Variants in NHS observed in about 807,000 individuals in gnomAD.
NHS encodes the protein NHS actin remodeling regulator.
Under a neutral mutation model 72.5 loss-of-function variants are expected in NHS, and 5 were observed. That is an observed-to-expected ratio of 0.07 (90% CI 0.04 to 0.14). The LOEUF is 0.14. Among genes scored for constraint, NHS ranks in the 10% least tolerant of loss-of-function variants. The pLI, the probability that NHS is intolerant of heterozygous loss-of-function variation, is 1.00. For missense variants in NHS, 1,072 were observed against 1,355.7 expected (o/e 0.79, Z 3.29); for synonymous variants, 464 against 547.7 (o/e 0.85, Z 2.13).
Position 17,725,226 on chromosome X carries a change from C to A in NHS, c.1241-121C>A. 5.0e-6 allele frequency: 3 copies of A among 603,565 alleles called. No homozygotes were observed. The East Asian group carries it at 9.9e-5, about 20-fold the overall frequency. The allele number at this position is 603,565 out of a possible 1,213,427, so 49.7% of individuals were successfully genotyped here. ...CTAATTCTATATATTGATTTTTTTT[C>A]TGTTAAAGAAAAAAAAAAACAGCTC... On this transcript the variant is annotated intron_variant, in intron 6 of 8. Transcript: ENST00000676302.
chrX:17,443,869 TTAAG>T (rs2064767546), intron 1 of NHS, among the ~76,000 whole-genome samples: 1 of 112,393 alleles, frequency 8.9e-6, no homozygotes, highest in Non-Finnish European at 1.9e-5. Context: ...CTACATGGGA[TTAAG>T]TGAGTGTTTA....
intron 1 of NHS, chrX:17,586,960 T>C (rs1472569898): frequency 8.9e-6 from 1 of 112,207 alleles, no homozygotes; most frequent in African/African-American, 3.2e-5. Flanking sequence ...AGGTTTTTCA[T>C]GAATTATAGA....
intron 1 of NHS, among the ~76,000 whole-genome samples, chrX:17,471,277 G>T (rs1307554353): frequency 1.8e-5 from 2 of 111,381 alleles, no homozygotes; most frequent in Non-Finnish European, 3.8e-5. Context: ...TTATATCTCT[G>T]CACATTAAAG....
intron 1 of NHS, chrX:17,425,943 GAA>G (rs2064654922): frequency 8.9e-6 from 1 of 112,598 alleles, no homozygotes; most frequent in Non-Finnish European, 1.9e-5. Context: ...GATCCAGAGA[GAA>G]TCAGAGTTTC....
chrX:17,420,872 A>G (rs1196665820), intron 1 of NHS, among the ~76,000 whole-genome samples: 1 of 111,266 alleles, frequency 9.0e-6, no homozygotes, highest in East Asian at 2.8e-4. Flanking sequence ...TCCTTTGGCA[A>G]CTGTATATTG....
At chrX:17,719,262 A>G (rs2066390973) in intron 3 of NHS, 82 bp from the exon 4 acceptor site, 2 of 782,380 alleles carry the variant, frequency 2.6e-6, no homozygotes, top group South Asian at 4.6e-5. Flanking sequence ...TTTTATTAAT[A>G]TCATAGATTT....
chrX:17,619,459 T>C (rs1309243781), intron 1 of NHS, among the ~76,000 whole-genome samples: 1 of 112,402 alleles, frequency 8.9e-6, no homozygotes, highest in Non-Finnish European at 1.9e-5. Context: ...CAAAAATCAG[T>C]ACTGTCCTCA....
intron 1 of NHS, among the ~76,000 whole-genome samples, chrX:17,407,630 T>C (rs1306164809): frequency 8.9e-6 from 1 of 112,114 alleles, no homozygotes; most frequent in Non-Finnish European, 1.9e-5. Context: ...TTACTAGTCA[T>C]GATAGCTGAA....
intron 1 of NHS, among the ~76,000 whole-genome samples, chrX:17,452,028 T>TA (rs1385054106): frequency 8.9e-6 from 1 of 111,797 alleles, no homozygotes; most frequent in African/African-American, 3.3e-5. Context: ...AAGTATATAC[T>TA]ATGGGACATT....
At chrX:17,513,609 C>T (rs745895358) in intron 1 of NHS, among the ~76,000 whole-genome samples, 2 of 112,061 alleles carry the variant, frequency 1.8e-5, no homozygotes, top group East Asian at 5.7e-4. Context: ...CAGGGATCTA[C>T]ATTGTTTTCT....
Position 17,732,299 on chromosome X carries a change from A to G in NHS, c.4791A>G (p.Ala1597=). 1 of 1,212,437 alleles carries G rather than the reference A, an allele frequency of 8.2e-7. No individual in the cohort carries two copies. Residue 1597 remains alanine, a synonymous_variant, in exon 9 of 9, where the codon GCA becomes GCG. Coordinates refer to ENST00000676302, the MANE Select transcript of NHS (RefSeq NM_001291867.2). ...CCTCGAAGAGCTTTGCCACCTCAGC[A>G]TCAGCAAGGGTTGGACGTTCTCGGG... is the stretch of plus-strand genomic sequence containing the variant. ...GFSSKSFATS[A]SARVGRSRAP...
chrX:17,623,465 G>A (rs1346611444), intron 1 of NHS, among the ~76,000 whole-genome samples: 1 of 111,147 alleles, frequency 9.0e-6, no homozygotes, highest in Non-Finnish European at 1.9e-5. Flanking sequence ...TCATTTGCAT[G>A]TGCGTGTGGG....
At chrX:17,392,524 A>T (rs1249003977) in intron 1 of NHS, among the ~76,000 whole-genome samples, 1 of 112,002 alleles carries the variant, frequency 8.9e-6, no homozygotes, top group Non-Finnish European at 1.9e-5. Flanking sequence ...TTTTTGAGAG[A>T]TACAGAATTC....
intron 1 of NHS, among the ~76,000 whole-genome samples, chrX:17,388,984 C>T (rs772724637): frequency 9.0e-6 from 1 of 110,947 alleles, no homozygotes; most frequent in East Asian, 2.9e-4. Context: ...CAAGAAAGCC[C>T]TCCTCTCCGC....
intron 1 of NHS, among the ~76,000 whole-genome samples, chrX:17,505,978 G>A (rs1289761771): frequency 9.0e-6 from 1 of 111,407 alleles, no homozygotes; most frequent in Non-Finnish European, 1.9e-5. Context: ...TTGAGCATCA[G>A]GTGCTTTCTT....
rs1173074843 is a variant in NHS at position 17,430,257 on chromosome X, CTT to C, written c.565+53939_565+53940del. ...CCCTCCCTCCCTCCCTCCCCTCTTT[CTT>C]TTTCTTTCTTTCTTTCTTTCTTTCT... On this transcript the variant is annotated intron_variant, in intron 1 of 8. Transcript: ENST00000676302. Among the ~76,000 whole-genome samples, 6 of 35,586 alleles carry C rather than the reference CTT, an allele frequency of 1.7e-4. No homozygotes were observed. The South Asian group carries it at 0.014, about 82-fold the overall frequency. 30.9% of individuals were successfully genotyped at this position (35,586 alleles called of 115,157 possible). A position where few individuals can be genotyped will look rare whatever the true frequency, so the allele number is the denominator to read the frequency against.
chrX:17,430,279 CTTT>C (rs2064684826), intron 1 of NHS, among the ~76,000 whole-genome samples: 7 of 68,397 alleles, frequency 1.0e-4, no homozygotes, highest in African/African-American at 4.4e-4. Flanking sequence ...TTCTTTCTTT[CTTT>C]CTTTCTTTCT....
intron 1 of NHS, among the ~76,000 whole-genome samples, chrX:17,564,626 C>T (rs1323803719): frequency 8.9e-6 from 1 of 112,520 alleles, no homozygotes. Context: ...CCAGGACGCT[C>T]CATTCTCTAA....
At chrX:17,397,779 TCATC>T in intron 1 of NHS, among the ~76,000 whole-genome samples, 1 of 112,375 alleles carries the variant, frequency 8.9e-6, no homozygotes, top group South Asian at 3.7e-4. Context: ...GCTCATCCAT[TCATC>T]CATCCATCTA....
Sources: gnomAD v4.1 joint callset for allele counts (sites outside exome capture counted in the v4.1 genomes callset) on GRCh38, gnomAD v4.1.1 for gene constraint, MANE v1.5 for transcripts, NCBI Gene and HGNC (gene_info 2026-07-23, HGNC 2026-07-21) for gene names.